CCNY: variants seen among roughly 807,000 people sequenced by gnomAD.
The protein encoded by CCNY is cyclin Y, also known as cyclin-Y.
In CCNY, 19 loss-of-function variants were observed where a neutral mutation model predicts 42.8. The observed-to-expected ratio is 0.44, with a 90% confidence interval of 0.31 to 0.65. The LOEUF (loss-of-function observed/expected upper bound fraction) is 0.65, where lower values mean the gene tolerates loss of function less well. CCNY is among the 30% of genes least tolerant of loss of function. CCNY has a pLI of 0.07. For missense variants in CCNY, 370 were observed against 437.3 expected, an observed-to-expected ratio of 0.85 and a Z score of 1.37; for synonymous variants, 165 against 162.7, an observed-to-expected ratio of 1.01 and a Z score of -0.11.
intron 1 of CCNY, among the ~76,000 whole-genome samples, chr10:35,400,149 A>T (rs1462300374): frequency 1.3e-5 from 2 of 152,138 alleles, no homozygotes; most frequent in Non-Finnish European, 2.9e-5. Flanking sequence ...TTCTTCCAGC[A>T]CCATCTATTT....
intron 1 of CCNY, among the ~76,000 whole-genome samples, chr10:35,476,001 A>G (rs1461026776): frequency 1.3e-5 from 2 of 152,242 alleles, no homozygotes; most frequent in Non-Finnish European, 2.9e-5. Context: ...AGTCTCTGAT[A>G]AAACAGACTT....
At chr10:35,368,292 A>G (rs1366224605) in intron 1 of CCNY, among the ~76,000 whole-genome samples, 2 of 152,120 alleles carry the variant, frequency 1.3e-5, no homozygotes, top group Non-Finnish European at 2.9e-5. Flanking sequence ...TAATTTATGG[A>G]CTGTGTCGCA....
At chr10:35,478,200 A>G (rs1472434107) in intron 1 of CCNY, among the ~76,000 whole-genome samples, 87 of 148,250 alleles carry the variant, frequency 5.9e-4, no homozygotes, top group African/African-American at 2.1e-3. Flanking sequence ...TATCGTGAAA[A>G]TGGCCATACT....
At chr10:35,360,392 T>G (rs1405514051) in intron 1 of CCNY, among the ~76,000 whole-genome samples, 6 of 151,066 alleles carry the variant, frequency 4.0e-5, no homozygotes, top group African/African-American at 9.7e-5. Context: ...GCTTAAGCGA[T>G]CCTCCTGTCT....
At chr10:35,254,187 G>GT (rs1483562426) in intron 3 of CCNY, among the ~76,000 whole-genome samples, 5 of 151,932 alleles carry the variant, frequency 3.3e-5, no homozygotes, top group South Asian at 2.1e-4. Flanking sequence ...TTGAGTGACT[G>GT]TTTTTTACCG....
At chr10:35,554,032 T>C (rs1210732012) in intron 8 of CCNY, among the ~76,000 whole-genome samples, 2 of 152,338 alleles carry the variant, frequency 1.3e-5, no homozygotes, top group East Asian at 1.9e-4. Context: ...CTCATACTTT[T>C]TGTTTGGCAA....
At chr10:35,448,318 T>TGG (rs545918616) in intron 1 of CCNY, among the ~76,000 whole-genome samples, 161 of 152,242 alleles carry the variant, frequency 1.1e-3, no homozygotes, top group Non-Finnish European at 1.9e-3. Flanking sequence ...GGTGGGGACA[T>TGG]GGGTAGGGCC....
At chr10:35,544,692 C>T (rs1454970826) in intron 7 of CCNY, among the ~76,000 whole-genome samples, 1 of 152,222 alleles carries the variant, frequency 6.6e-6, no homozygotes, top group Non-Finnish European at 1.5e-5. Flanking sequence ...GGAAAGCAGG[C>T]TCAGCATAAA....
intron 2 of CCNY, among the ~76,000 whole-genome samples, chr10:35,485,619 G>T (rs1217556482): frequency 6.6e-6 from 1 of 151,700 alleles, no homozygotes; most frequent in Non-Finnish European, 1.5e-5. Flanking sequence ...CAGCCACTCA[G>T]GAGGCTGAGG....
chr10:35,397,093 A>G (rs1468671988), intron 1 of CCNY, among the ~76,000 whole-genome samples: 1 of 152,198 alleles, frequency 6.6e-6, no homozygotes, highest in Non-Finnish European at 1.5e-5. Flanking sequence ...TGTTCTTCCT[A>G]GGGCTGGGGT....
At chr10:35,272,842 C>T (rs1176961015) in intron 3 of CCNY, among the ~76,000 whole-genome samples, 5 of 151,950 alleles carry the variant, frequency 3.3e-5, no homozygotes, top group Non-Finnish European at 7.4e-5. Context: ...TGAGGAATCA[C>T]CAGTATTTTC....
At chr10:35,508,575 G>T (rs768995095) in intron 3 of CCNY, among the ~76,000 whole-genome samples, 1 of 152,152 alleles carries the variant, frequency 6.6e-6, no homozygotes, top group African/African-American at 2.4e-5. Context: ...TGCTGCTGGG[G>T]TGCTATTGCT....
chr10:35,303,608 T>G (rs1415680079), intron 3 of CCNY, among the ~76,000 whole-genome samples: 1 of 150,070 alleles, frequency 6.7e-6, no homozygotes, highest in Non-Finnish European at 1.5e-5. Context: ...AGAAACCCCA[T>G]CTCTACTAAA....
intron 1 of CCNY, among the ~76,000 whole-genome samples, chr10:35,361,340 C>T (rs912016756): frequency 6.6e-6 from 1 of 152,138 alleles, no homozygotes; most frequent in Non-Finnish European, 1.5e-5. Flanking sequence ...TCTTCTAAAA[C>T]ATGATTATTA....
chr10:35,384,159 C>T (rs866404925), intron 1 of CCNY, among the ~76,000 whole-genome samples: 4 of 151,920 alleles, frequency 2.6e-5, no homozygotes, highest in African/African-American at 9.7e-5. Context: ...TGAGACAGGT[C>T]GCAATCAGTT....
chr10:35,544,034 A>G (rs115460132), intron 7 of CCNY, among the ~76,000 whole-genome samples: 7,509 of 152,342 alleles, frequency 0.049, 529 homozygotes, highest in African/African-American at 0.16. Context: ...TGTTATTACA[A>G]GAGTCCAAAG....
At chr10:35,295,474 C>G (rs755661929) in intron 3 of CCNY, among the ~76,000 whole-genome samples, 1 of 151,966 alleles carries the variant, frequency 6.6e-6, no homozygotes, top group Non-Finnish European at 1.5e-5. Context: ...TCAGGTGATC[C>G]GCCCGTTTCT....
chr10:35,547,021 T>A (rs1841129207), intron 7 of CCNY, among the ~76,000 whole-genome samples: 2 of 152,150 alleles, frequency 1.3e-5, no homozygotes, highest in African/African-American at 4.8e-5. Flanking sequence ...TTAGGCCCAG[T>A]CCCTGTTTTC....
chr10:35,526,579 A>G (rs2135419345), intron 5 of CCNY, among the ~76,000 whole-genome samples: 1 of 152,354 alleles, frequency 6.6e-6, no homozygotes, highest in Middle Eastern at 3.4e-3. Flanking sequence ...TGCAACTTCA[A>G]GACATTTGCT....
Sources: allele counts gnomAD v4.1 joint callset (sites outside exome capture counted in the v4.1 genomes callset), GRCh38; gene constraint gnomAD v4.1.1; transcripts MANE v1.5; gene names NCBI Gene and HGNC (gene_info 2026-07-23, HGNC 2026-07-21).